CHST12: variants seen among roughly 807,000 people sequenced by gnomAD.
CHST12 encodes carbohydrate (chondroitin 4) sulfotransferase 12.
A neutral mutation model predicts 27.9 loss-of-function variants in CHST12; 23 were observed. That is an observed-to-expected ratio of 0.82 (90% CI 0.59 to 1.17). The LOEUF (loss-of-function observed/expected upper bound fraction) is 1.17, where lower values mean the gene tolerates loss of function less well. CHST12 is among the 50% of genes most tolerant of loss of function. The probability of loss-of-function intolerance (pLI) is 0.00; values close to 1 mark genes in which losing one functional copy is unlikely to be tolerated. For missense variants in CHST12, 682 were observed against 603.0 expected, an observed-to-expected ratio of 1.13 and a Z score of -1.37; for synonymous variants, 322 against 273.0, an observed-to-expected ratio of 1.18 and a Z score of -1.77.
At chr7:2,411,174 C>T (rs1781654736) in intron 1 of CHST12, among the ~76,000 whole-genome samples, 1 of 152,052 alleles carries the variant, frequency 6.6e-6, no homozygotes, top group Non-Finnish European at 1.5e-5. Context: ...CCTCAGCCTC[C>T]TGGGCTTAAG....
chr7:2,416,970 T>C (rs1013488206), intron 1 of CHST12, among the ~76,000 whole-genome samples: 1 of 152,248 alleles, frequency 6.6e-6, no homozygotes, highest in Non-Finnish European at 1.5e-5. Context: ...AGCTTTTCTT[T>C]TGCGTAACTT....
chr7:2,406,478 ACGGGG>A (rs1781528431), intron 1 of CHST12, among the ~76,000 whole-genome samples: 1 of 8,846 alleles, frequency 1.1e-4, no homozygotes, highest in Non-Finnish European at 1.9e-4. Flanking sequence ...ACAGTTGAGT[ACGGGG>A]TGGGGGCACA....
At position 2,437,345 on chromosome 7, in the gene CHST12, C is replaced by G. The variant is rs565196299; in HGVS notation, c.*3461C>G. The G allele has an allele frequency of 4.6e-5, 7 of 152,290 alleles. No homozygotes were observed. Among genetic ancestry groups the G allele is most frequent in the African/African-American group, 1.7e-4 (7 of 41,454 alleles). 9.4% of individuals were successfully genotyped at this position (152,290 alleles called of 1,614,324 possible). On this transcript the variant is annotated 3_prime_UTR_variant, in exon 2 of 2. Transcript: ENST00000618655. ...CTTGGGCTGGGCGGCCTGGCTGCTC[C>G]TGGACTCGCCTCCCAGCGTCTGATG... is the stretch of plus-strand genomic sequence containing the variant.
chr7:2,423,092 A>G (rs997358912), intron 1 of CHST12, among the ~76,000 whole-genome samples: 1 of 151,664 alleles, frequency 6.6e-6, no homozygotes, highest in Admixed American at 6.6e-5. Flanking sequence ...CCTGGCCAAC[A>G]TGGAGAAAGC....
At chr7:2,413,077 A>C (rs1309433919) in intron 1 of CHST12, among the ~76,000 whole-genome samples, 6 of 152,160 alleles carry the variant, frequency 3.9e-5, no homozygotes, top group Non-Finnish European at 7.4e-5. Context: ...GTGTTTTCTC[A>C]TTTTTGTGCT....
At chr7:2,405,291 A>C (rs1447020928) in intron 1 of CHST12, among the ~76,000 whole-genome samples, 1 of 152,124 alleles carries the variant, frequency 6.6e-6, no homozygotes, top group Admixed American at 6.6e-5. Flanking sequence ...CTAAAAATAC[A>C]AAATTTAGCT....
intron 1 of CHST12, among the ~76,000 whole-genome samples, chr7:2,422,343 C>T (rs1207952130): frequency 2.0e-5 from 3 of 151,704 alleles, no homozygotes; most frequent in Non-Finnish European, 4.4e-5. Context: ...CTCCCAGGTT[C>T]AAGCGATTCT....
chr7:2,410,810 G>C (rs1781645307), intron 1 of CHST12, among the ~76,000 whole-genome samples: 1 of 152,072 alleles, frequency 6.6e-6, no homozygotes, highest in South Asian at 2.1e-4. Context: ...TAGAAGAGGA[G>C]ATCAGTGGAG....
intron 1 of CHST12, among the ~76,000 whole-genome samples, chr7:2,412,334 T>C (rs1781688562): frequency 6.6e-6 from 1 of 152,204 alleles, no homozygotes; most frequent in South Asian, 2.1e-4. Context: ...GCCCAGGACA[T>C]GCAGAGAGCA....
intron 1 of CHST12, among the ~76,000 whole-genome samples, chr7:2,428,368 G>A (rs1782188960): frequency 6.6e-6 from 1 of 151,856 alleles, no homozygotes; most frequent in African/African-American, 2.4e-5. Flanking sequence ...CTAATTTTTT[G>A]TATTTTTTAG....
At chr7:2,404,601 G>A (rs966958779) in intron 1 of CHST12, among the ~76,000 whole-genome samples, 1 of 152,224 alleles carries the variant, frequency 6.6e-6, no homozygotes, top group African/African-American at 2.4e-5. Flanking sequence ...CCCCACGCGG[G>A]GACCCGGGTT....
In CHST12 at chr7:2,433,989, C is replaced by A; in HGVS notation, c.*105C>A. The A allele has an allele frequency of 1.2e-6, 1 of 860,430 alleles. No homozygotes were observed. The highest frequency in any genetic ancestry group is 1.8e-6 in the Non-Finnish European group (1 of 540,624). The allele number at this position is 860,430 out of a possible 1,614,324, so 53.3% of individuals were successfully genotyped here. On this transcript the variant is annotated 3_prime_UTR_variant, in exon 2 of 2. Transcript: ENST00000618655. This position sits in a 1 kb window ranked among gnomAD's most constrained non-coding sequence, Gnocchi z 6.1. Reference sequence around the variant, plus strand: ...CAATCTGGGCTTCTTGTTCACTCCACTGCCTCTATCCATTGAGTACTGTAT... The same window carrying A: ...CAATCTGGGCTTCTTGTTCACTCCAATGCCTCTATCCATTGAGTACTGTAT...
At chr7:2,419,187 T>C (rs1675777729) in intron 1 of CHST12, among the ~76,000 whole-genome samples, 1 of 152,012 alleles carries the variant, frequency 6.6e-6, no homozygotes. Context: ...GGCAGGTAGA[T>C]CACTTGAGCC....
At chr7:2,413,470 T>G (rs906437904) in intron 1 of CHST12, among the ~76,000 whole-genome samples, 2 of 152,238 alleles carry the variant, frequency 1.3e-5, no homozygotes, top group Non-Finnish European at 2.9e-5. Flanking sequence ...ATATTCACCT[T>G]GTACCTGCCT....
chr7:2,421,034 A>C (rs749003117), intron 1 of CHST12, among the ~76,000 whole-genome samples: 28 of 150,492 alleles, frequency 1.9e-4, no homozygotes, highest in Non-Finnish European at 2.5e-4. Flanking sequence ...GGCCCCTCAT[A>C]TGGTAATTTT....
Position 2,447,603 on chromosome 7 carries a change from G to C in CHST12, c.*13719G>C, listed in dbSNP as rs1289117796. ...TTTTCATGCCTCAGCTTCCCGAGTA[G>C]CTGGGATTACAGGCATGTGCCACCA... On this transcript the variant is annotated 3_prime_UTR_variant, in exon 2 of 2. Transcript: ENST00000618655. The C allele has an allele frequency of 1.3e-5, 2 of 152,220 alleles. No homozygotes were observed. Among genetic ancestry groups the C allele is most frequent in the East Asian group, 3.9e-4 (2 of 5,170 alleles). 9.4% of individuals were successfully genotyped at this position (152,220 alleles called of 1,614,324 possible). A position where few individuals can be genotyped will look rare whatever the true frequency, so the allele number is the denominator to read the frequency against.
At chr7:2,425,237 A>AC (rs1043870602) in intron 1 of CHST12, among the ~76,000 whole-genome samples, 5 of 147,078 alleles carry the variant, frequency 3.4e-5, no homozygotes, top group Non-Finnish European at 6.0e-5. Context: ...CAAAAAAAAA[A>AC]CGTAAAAAAA....
intron 1 of CHST12, among the ~76,000 whole-genome samples, chr7:2,413,712 T>G (rs1438029083): frequency 1.3e-5 from 2 of 151,294 alleles, no homozygotes; most frequent in Non-Finnish European, 2.9e-5. Flanking sequence ...GGGGTTGTTT[T>G]CAGGTTTTAG....
chr7:2,423,266 C>G (rs1431549950), intron 1 of CHST12, among the ~76,000 whole-genome samples: 1 of 151,654 alleles, frequency 6.6e-6, no homozygotes, highest in Non-Finnish European at 1.5e-5. Flanking sequence ...GAACAAGACT[C>G]CATCTCAAAA....
Sources: gnomAD v4.1 joint callset for allele counts (sites outside exome capture counted in the v4.1 genomes callset) on GRCh38, gnomAD v4.1.1 for gene constraint, Gnocchi (gnomAD v3.1) non-coding constraint, MANE v1.5 for transcripts, NCBI Gene and HGNC (gene_info 2026-07-23, HGNC 2026-07-21) for gene names.